The following HERC4 variants were observed in gnomAD, a reference collection of about 807,000 sequenced individuals.
The protein encoded by HERC4 is HECT and RLD domain containing E3 ubiquitin protein ligase 4, also known as probable E3 ubiquitin-protein ligase HERC4.
A neutral mutation model predicts 124.3 loss-of-function variants in HERC4; 28 were observed. That is an observed-to-expected ratio of 0.23 (90% CI 0.17 to 0.31). The LOEUF is 0.31. HERC4 is among the 10% of genes least tolerant of loss of function. The pLI, the probability that HERC4 is intolerant of heterozygous loss-of-function variation, is 1.00. For missense variants in HERC4, 713 were observed against 1,229.3 expected, an observed-to-expected ratio of 0.58 and a Z score of 6.28; for synonymous variants, 407 against 421.5, an observed-to-expected ratio of 0.97 and a Z score of 0.42.
At chr10:68,032,921 C>G in intron 6 of HERC4, 52 bp from the exon 7 acceptor site, 1 of 931,474 alleles carries the variant, frequency 1.1e-6, no homozygotes, top group Non-Finnish European at 1.8e-6. Context: ...CAAAACTCAT[C>G]TAGATGTGTT....
chr10:68,008,699 C>T (rs370266328), intron 9 of HERC4, among the ~76,000 whole-genome samples: 1 of 152,232 alleles, frequency 6.6e-6, no homozygotes, highest in South Asian at 2.1e-4. Context: ...GAACTGAAAG[C>T]AGGATCTCAA....
chr10:67,962,284 AAGGG>A (rs2034575694), intron 16 of HERC4, among the ~76,000 whole-genome samples: 2 of 151,860 alleles, frequency 1.3e-5, no homozygotes, highest in Admixed American at 1.3e-4. Flanking sequence ...ACTATATACC[AAGGG>A]AGTTTATAGT....
Position 67,929,025 on chromosome 10 carries a change from T to C in HERC4, c.2838+3572A>G, listed in dbSNP as rs555389421. Among the ~76,000 whole-genome samples, 5 of 152,352 alleles carry C rather than the reference T, an allele frequency of 3.3e-5. No individual in the cohort carries two copies. The South Asian group carries it at 1.0e-3, about 32-fold the overall frequency. On this transcript the variant is annotated intron_variant, in intron 23 of 24. Coordinates refer to ENST00000373700, the MANE Select transcript of HERC4 (RefSeq NM_015601.4). ...CATCAATTTATCTCCTTACTTTCTG[T>C]CTTCCAAAACTATTTCTTCTCTTGT...
intron 17 of HERC4, 131 bp from the exon 18 acceptor site, chr10:67,955,261 A>C: frequency 1.4e-6 from 1 of 728,626 alleles, no homozygotes; most frequent in Non-Finnish European, 2.2e-6. Context: ...CATAGCACCT[A>C]ACAGTATCCC....
rs2032342384 is a variant in HERC4 at position 67,936,186 on chromosome 10, T to C, written c.2621A>G (p.Asn874Ser). The change falls in exon 22 of 25, where the codon AAT (asparagine) becomes AGT (serine). Residue 874 changes from asparagine (N) to serine (S), a missense_variant. Asn to Ser is a conservative substitution (Grantham distance 46). Transcript: ENST00000373700. ...GATEVKELVL[N>S]GADTAVNKQN... ...TTTGTTAACAGCTGTGTCTGCACCA[T>C]TTAGAACCAGCTCTTTCACTTCTGT... 6.2e-7 allele frequency: 1 copy of C among 1,603,920 alleles called. No individual in the cohort carries two copies. Among genetic ancestry groups the C allele is most frequent in the Non-Finnish European group, 8.5e-7 (1 of 1,176,472 alleles).
intron 7 of HERC4, among the ~76,000 whole-genome samples, chr10:68,027,211 G>T (rs1031570479): frequency 4.6e-5 from 7 of 152,072 alleles, no homozygotes; most frequent in Admixed American, 1.3e-4. Flanking sequence ...TGTTATATGA[G>T]AACATTCATT....
chr10:67,952,626 C>T (rs890184983), intron 19 of HERC4, among the ~76,000 whole-genome samples: 4 of 150,574 alleles, frequency 2.7e-5, no homozygotes, highest in South Asian at 2.2e-4. Context: ...AGGCCGGGCG[C>T]GGTGGCTCAC....
chr10:68,010,770 G>A, intron 9 of HERC4: 1 of 1,496,848 alleles, frequency 6.7e-7, no homozygotes, highest in Non-Finnish European at 9.2e-7. Context: ...AGAACCCCCA[G>A]GGTAAGCCCC....
chr10:67,960,367 A>G (rs2034429398), intron 16 of HERC4, among the ~76,000 whole-genome samples: 1 of 151,710 alleles, frequency 6.6e-6, no homozygotes, highest in South Asian at 2.1e-4. Flanking sequence ...GGAACTTTCT[A>G]TTTGTCACTA....
intron 3 of HERC4, among the ~76,000 whole-genome samples, chr10:68,072,431 G>A (rs1411330272): frequency 6.6e-6 from 1 of 152,074 alleles, no homozygotes; most frequent in Non-Finnish European, 1.5e-5. Flanking sequence ...TACTATGACA[G>A]AGGGATAAAA....
At chr10:68,026,377 T>G (rs779137169) in intron 7 of HERC4, among the ~76,000 whole-genome samples, 21 of 151,012 alleles carry the variant, frequency 1.4e-4, no homozygotes, top group Non-Finnish European at 2.7e-4. Context: ...ATTACAGGCA[T>G]GAGCCACCAT....
chr10:67,992,557 T>A (rs753407587), intron 10 of HERC4, 49 bp downstream of exon 10: 2 of 1,199,658 alleles, frequency 1.7e-6, no homozygotes, highest in South Asian at 2.8e-5. Flanking sequence ...TTTTAAAATT[T>A]GTCAAAATTA....
At chr10:68,073,548 TAA>T (rs2041669572) in intron 2 of HERC4, 107 bp downstream of exon 2, 1 of 160,646 alleles carries the variant, frequency 6.2e-6, no homozygotes, top group South Asian at 1.7e-4. Flanking sequence ...GAACAAGAAA[TAA>T]GACATCTTTC....
chr10:67,998,149 G>A (rs1183864270), intron 9 of HERC4, among the ~76,000 whole-genome samples: 1 of 151,524 alleles, frequency 6.6e-6, no homozygotes, highest in Non-Finnish European at 1.5e-5. Context: ...CACCTGCCTC[G>A]GCCTCCCAAA....
chr10:67,955,090 A>G lies in HERC4; in HGVS notation c.2066T>C (p.Leu689Pro). 6.3e-7 allele frequency: 1 copy of G among 1,591,288 alleles called. No individual in the cohort carries two copies. Among genetic ancestry groups the G allele is most frequent in the South Asian group, 1.1e-5 (1 of 88,238 alleles). The change falls in exon 18 of 25, where the codon CTT becomes CCT. Residue 689 changes from leucine to proline, a missense_variant. By Grantham distance (98) the Leu-to-Pro change is moderately conservative. Transcript: ENST00000373700. ...CACAGATTCAATCACTGGGAGAAAAAGAGAGGAGACATTCTGCCTGTGGGC... is the reference window on the plus strand; with the variant it reads ...CACAGATTCAATCACTGGGAGAAAAGGAGAGGAGACATTCTGCCTGTGGGC... ...DQAHRQNVSSLFLPVIESVNP... is the reference protein window; with the variant it reads ...DQAHRQNVSSPFLPVIESVNP...
chr10:67,946,992 AAG>A (rs928465682), intron 19 of HERC4, among the ~76,000 whole-genome samples: 4 of 151,818 alleles, frequency 2.6e-5, no homozygotes, highest in Non-Finnish European at 2.9e-5. Context: ...ATTACCGCTA[AAG>A]AGAGAGAGAG....
chr10:67,944,110 G>A (rs1007390255), intron 19 of HERC4, among the ~76,000 whole-genome samples: 1 of 152,238 alleles, frequency 6.6e-6, no homozygotes, highest in Non-Finnish European at 1.5e-5. Context: ...AACAAAGGCA[G>A]TAGCCAGGCA....
At chr10:68,000,456 G>A (rs2037159438) in intron 9 of HERC4, among the ~76,000 whole-genome samples, 1 of 152,064 alleles carries the variant, frequency 6.6e-6, no homozygotes. Flanking sequence ...GCATGCACCT[G>A]TAGTCCCAGC....
rs781402035 is a variant in HERC4 at position 67,954,700 on chromosome 10, C to G, written c.2232G>C (p.Gly744=). 1 of 1,613,480 alleles carries G rather than the reference C, an allele frequency of 6.2e-7. No homozygotes were observed. Among genetic ancestry groups the G allele is most frequent in the Non-Finnish European group, 8.5e-7 (1 of 1,179,710 alleles). ...FVGEDAVDAG[G]VRKEFFLLIM... is the part of the protein sequence containing the mutation. ...TGAGCAAGAAAAATTCTTTGCGCAC[C>G]CCTCCTGCATCCACAGCATCTTCTC... Residue 744 remains glycine (G), a synonymous_variant, in exon 19 of 25, where the codon GGG becomes GGC. Transcript: ENST00000373700.
Sources: allele counts gnomAD v4.1 joint callset (sites outside exome capture counted in the v4.1 genomes callset), GRCh38; gene constraint gnomAD v4.1.1; transcripts MANE v1.5; gene names NCBI Gene and HGNC (gene_info 2026-07-23, HGNC 2026-07-21).